The following CCNYL1 variants were observed in gnomAD, a reference collection of about 807,000 sequenced individuals.
The protein encoded by CCNYL1 is cyclin Y like 1, also known as cyclin-Y-like protein 1.
In CCNYL1, 16 loss-of-function variants were observed where a neutral mutation model predicts 44.2. The ratio of observed to expected loss-of-function variants is 0.36; its 90% CI spans 0.25 to 0.55. CCNYL1 has a LOEUF of 0.55. Among genes scored for constraint, CCNYL1 ranks in the 20% least tolerant of loss-of-function variants. The pLI, the probability that CCNYL1 is intolerant of heterozygous loss-of-function variation, is 0.85. For missense variants in CCNYL1, 348 were observed against 451.8 expected, an observed-to-expected ratio of 0.77 and a Z score of 2.08; for synonymous variants, 159 against 163.2, an observed-to-expected ratio of 0.97 and a Z score of 0.20.
intron 3 of CCNYL1, 59 bp from the exon 4 acceptor site, chr2:207,733,888 C>A: frequency 9.1e-7 from 1 of 1,101,064 alleles, no homozygotes; most frequent in Non-Finnish European, 1.4e-6. Flanking sequence ...CAAGGAAAAA[C>A]CACACTTTTA....
At position 207,742,361 on chromosome 2, in the gene CCNYL1, A is replaced by T. The variant is rs1300548910; in HGVS notation, c.639+19A>T. ...AACTTTGGTAAGATATTTCTCATTT[A>T]TAAAGTGTCTTTAGAAATTAGTCTT... On this transcript the variant is annotated intron_variant, in intron 7 of 9. Transcript: ENST00000295414. The T allele has an allele frequency of 6.2e-7, 1 of 1,602,832 alleles. No individual in the cohort carries two copies.
At chr2:207,713,778 G>A (rs2091571612) in intron 1 of CCNYL1, among the ~76,000 whole-genome samples, 2 of 152,054 alleles carry the variant, frequency 1.3e-5, no homozygotes, top group African/African-American at 4.8e-5. Context: ...CTTACCTTTC[G>A]GAATATTCAG....
intron 8 of CCNYL1, among the ~76,000 whole-genome samples, chr2:207,748,544 CAGTG>C (rs1290237192): frequency 1.3e-5 from 2 of 152,194 alleles, no homozygotes; most frequent in Non-Finnish European, 2.9e-5. Flanking sequence ...GCCCACCAGA[CAGTG>C]AGAATGGCTT....
chr2:207,729,266 ACCCCACCCCCCCCAC>A lies in CCNYL1; in HGVS notation c.330+2395_330+2409del, dbSNP rs1559167553. On this transcript the variant is annotated intron_variant, in intron 3 of 9. Coordinates refer to ENST00000295414, the MANE Select transcript of CCNYL1 (RefSeq NM_001330218.2). Reference sequence around the variant, plus strand: ...CTTGTCTCCGCCCCCCCCCGCCCCCACCCCACCCCCCCCACCCCCCCGCACTCTCCCATTTTCTAG... The same window carrying A: ...CTTGTCTCCGCCCCCCCCCGCCCCCACCCCCCGCACTCTCCCATTTTCTAG... Among the ~76,000 whole-genome samples, 124 of 33,362 alleles carry A rather than the reference ACCCCACCCCCCCCAC, an allele frequency of 3.7e-3. 2 individuals carry two copies. Among genetic ancestry groups the A allele is most frequent in the Middle Eastern group, 0.032 (2 of 62 alleles). 21.9% of individuals were successfully genotyped at this position (33,362 alleles called of 152,430 possible).
intron 4 of CCNYL1, among the ~76,000 whole-genome samples, chr2:207,734,862 TA>T (rs1443912405): frequency 6.6e-6 from 1 of 152,208 alleles, no homozygotes. Flanking sequence ...CTCTCTCACT[TA>T]AAACAATAGT....
At chr2:207,726,953 A>G in intron 3 of CCNYL1, 77 bp downstream of exon 3, 1 of 1,025,440 alleles carries the variant, frequency 9.8e-7, no homozygotes, top group Non-Finnish European at 1.4e-6. Context: ...TAAAAATATA[A>G]TGGGGACCCA....
At chr2:207,748,897 T>G (rs997842593) in intron 8 of CCNYL1, among the ~76,000 whole-genome samples, 2 of 152,210 alleles carry the variant, frequency 1.3e-5, no homozygotes, top group Admixed American at 6.5e-5. Flanking sequence ...GAAGTACTTT[T>G]GGAAATTGCA....
intron 3 of CCNYL1, among the ~76,000 whole-genome samples, chr2:207,730,032 CTG>C (rs1240639670): frequency 1.3e-5 from 2 of 152,128 alleles, no homozygotes; most frequent in East Asian, 3.9e-4. Context: ...TTTTCTGAGA[CTG>C]TTCAGTTTCT....
At chr2:207,752,035 CAAAA>C (rs999012414) in intron 9 of CCNYL1, among the ~76,000 whole-genome samples, 9 of 143,264 alleles carry the variant, frequency 6.3e-5, no homozygotes, top group Non-Finnish European at 1.4e-4. Flanking sequence ...ATTGTGTCTC[CAAAA>C]AAAAAAAATT....
rs748315122 is a variant in CCNYL1, at chr2:207,754,911, T to G, written c.*1213T>G. The G allele has an allele frequency of 2.6e-5, 4 of 152,010 alleles. No individual in the cohort carries two copies. The highest frequency in any genetic ancestry group is 5.9e-5 in the Non-Finnish European group (4 of 68,010). The allele number at this position is 152,010 out of a possible 1,614,324, so 9.4% of individuals were successfully genotyped here. On this transcript the variant is annotated 3_prime_UTR_variant, in exon 10 of 10. Coordinates refer to ENST00000295414, the MANE Select transcript of CCNYL1 (RefSeq NM_001330218.2). ...AAAATTTGCAAAATGAAGCTGGGTG[T>G]GGTGGTGCACGCCTATAGTCCCAGC...
At chr2:207,742,584 C>T (rs985112406) in intron 7 of CCNYL1, among the ~76,000 whole-genome samples, 3 of 152,176 alleles carry the variant, frequency 2.0e-5, no homozygotes, top group African/African-American at 4.8e-5. Flanking sequence ...TCTGGTTTCT[C>T]CCCCTACCCA....
chr2:207,736,519 G>A (rs2091765542), intron 4 of CCNYL1, among the ~76,000 whole-genome samples: 1 of 152,162 alleles, frequency 6.6e-6, no homozygotes, highest in East Asian at 1.9e-4. Flanking sequence ...GTAGTTTTAT[G>A]CTGCATTGTT....
At chr2:207,733,033 A>G (rs751444482) in intron 3 of CCNYL1, among the ~76,000 whole-genome samples, 8 of 152,302 alleles carry the variant, frequency 5.3e-5, no homozygotes, top group African/African-American at 1.4e-4. Context: ...AGCAGTTGGT[A>G]TCATGTAACA....
chr2:207,750,131 C>T (rs575347886), intron 8 of CCNYL1, among the ~76,000 whole-genome samples: 1 of 152,304 alleles, frequency 6.6e-6, no homozygotes, highest in African/African-American at 2.4e-5. Context: ...TACTGAGCAC[C>T]TCAGGGTTTC....
intron 9 of CCNYL1, among the ~76,000 whole-genome samples, chr2:207,752,587 T>A (rs2091901742): frequency 6.6e-6 from 1 of 151,984 alleles, no homozygotes; most frequent in African/African-American, 2.4e-5. Context: ...ATAGAAATGG[T>A]AACTTTATGG....
intron 6 of CCNYL1, among the ~76,000 whole-genome samples, chr2:207,741,996 C>A (rs2105836197): frequency 6.6e-6 from 1 of 150,394 alleles, no homozygotes; most frequent in East Asian, 2.0e-4. Context: ...ACTAAAAATA[C>A]AAAAACTAGC....
intron 1 of CCNYL1, among the ~76,000 whole-genome samples, chr2:207,713,727 G>T (rs994985951): frequency 1.3e-5 from 2 of 152,262 alleles, no homozygotes; most frequent in African/African-American, 4.8e-5. Flanking sequence ...TAATAATTAA[G>T]CTTCATGATG....
chr2:207,719,849 C>T (rs559126471), intron 1 of CCNYL1, among the ~76,000 whole-genome samples: 1 of 152,176 alleles, frequency 6.6e-6, no homozygotes, highest in South Asian at 2.1e-4. Context: ...TTGCCTCAGC[C>T]TCCCAAGTAG....
chr2:207,716,426 T>C (rs1298940877), intron 1 of CCNYL1, among the ~76,000 whole-genome samples: 1 of 151,692 alleles, frequency 6.6e-6, no homozygotes, highest in Non-Finnish European at 1.5e-5. Flanking sequence ...ATGGTATGCA[T>C]ATGAATATAA....
Sources: allele counts gnomAD v4.1 joint callset (sites outside exome capture counted in the v4.1 genomes callset), GRCh38; gene constraint gnomAD v4.1.1; transcripts MANE v1.5; gene names NCBI Gene and HGNC (gene_info 2026-07-23, HGNC 2026-07-21).